The following GABRG3 variants were observed in gnomAD, a reference collection of about 807,000 sequenced individuals.
GABRG3 encodes gamma-aminobutyric acid receptor subunit gamma-3.
In GABRG3, 25 loss-of-function variants were observed where a neutral mutation model predicts 48.8. The ratio of observed to expected loss-of-function variants is 0.51; its 90% CI spans 0.37 to 0.72. GABRG3 has a LOEUF of 0.72. Among genes scored for constraint, GABRG3 ranks in the 30% least tolerant of loss-of-function variants. GABRG3 has a pLI of 0.00. For synonymous variants in GABRG3, 227 were observed against 217.6 expected (o/e 1.04, Z -0.38); for missense variants, 394 against 577.9 (o/e 0.68, Z 3.26).
chr15:27,156,573 T>G (rs1162507656), intron 3 of GABRG3, among the ~76,000 whole-genome samples: 4 of 152,162 alleles, frequency 2.6e-5, no homozygotes, highest in African/African-American at 9.7e-5. Context: ...TTATTATGAT[T>G]GTTTTACATG....
intron 3 of GABRG3, among the ~76,000 whole-genome samples, chr15:27,191,723 A>T (rs1488165189): frequency 6.6e-6 from 1 of 151,988 alleles, no homozygotes; most frequent in African/African-American, 2.4e-5. Flanking sequence ...TAGTCCATTT[A>T]CGTTTAAAGT....
At chr15:27,035,723 T>A (rs915758274) in intron 3 of GABRG3, among the ~76,000 whole-genome samples, 3 of 152,084 alleles carry the variant, frequency 2.0e-5, no homozygotes, top group African/African-American at 4.8e-5. Context: ...GACAGCAGGA[T>A]TGGGGAAGGA....
intron 3 of GABRG3, among the ~76,000 whole-genome samples, chr15:27,215,180 C>G (rs1889206278): frequency 6.6e-6 from 1 of 152,160 alleles, no homozygotes; most frequent in African/African-American, 2.4e-5. Flanking sequence ...TTAGATAACT[C>G]CTTGCAGGGG....
At chr15:27,171,523 T>TATACAC (rs751842058) in intron 3 of GABRG3, among the ~76,000 whole-genome samples, 3 of 147,040 alleles carry the variant, frequency 2.0e-5, no homozygotes, top group African/African-American at 7.6e-5. Flanking sequence ...TATATATATA[T>TATACAC]ACATATACAG....
At chr15:27,515,864 T>C (rs1891005779) in intron 6 of GABRG3, among the ~76,000 whole-genome samples, 1 of 152,188 alleles carries the variant, frequency 6.6e-6, no homozygotes, top group Non-Finnish European at 1.5e-5. Context: ...GGATGATAAA[T>C]TCAGGTGGGA....
chr15:27,465,297 G>A (rs910997572), intron 5 of GABRG3, among the ~76,000 whole-genome samples: 1 of 152,184 alleles, frequency 6.6e-6, no homozygotes, highest in Non-Finnish European at 1.5e-5. Flanking sequence ...GCGTTTTCAC[G>A]TTTTTAAAGC....
At chr15:27,431,119 C>G (rs1257406365) in intron 5 of GABRG3, among the ~76,000 whole-genome samples, 2 of 151,934 alleles carry the variant, frequency 1.3e-5, no homozygotes, top group East Asian at 3.9e-4. Context: ...CAGTAGCACA[C>G]TATATTTATT....
intron 3 of GABRG3, among the ~76,000 whole-genome samples, chr15:27,133,739 G>A (rs1169923810): frequency 6.6e-6 from 1 of 152,176 alleles, no homozygotes; most frequent in Non-Finnish European, 1.5e-5. Flanking sequence ...TTTGTCATGT[G>A]CAAAGATGAA....
At chr15:27,167,697 G>T (rs1488264356) in intron 3 of GABRG3, among the ~76,000 whole-genome samples, 1 of 152,164 alleles carries the variant, frequency 6.6e-6, no homozygotes, top group African/African-American at 2.4e-5. Flanking sequence ...CTCCAGCTAG[G>T]CCTCCCAGCT....
At chr15:27,159,133 C>T (rs1898508826) in intron 3 of GABRG3, among the ~76,000 whole-genome samples, 2 of 152,232 alleles carry the variant, frequency 1.3e-5, no homozygotes, top group Non-Finnish European at 1.5e-5. Context: ...TTATATTTAT[C>T]TAAGCAATTT....
At chr15:27,516,317 G>A (rs74999211) in intron 6 of GABRG3, among the ~76,000 whole-genome samples, 3,181 of 152,250 alleles carry the variant, frequency 0.021, 71 homozygotes, top group East Asian at 0.099. Context: ...TGAGAAACAT[G>A]GAAATATACT....
At chr15:27,305,687 A>G (rs1458135814) in intron 3 of GABRG3, among the ~76,000 whole-genome samples, 1 of 92,246 alleles carries the variant, frequency 1.1e-5, no homozygotes, top group Non-Finnish European at 2.1e-5. Flanking sequence ...GTTTATATAT[A>G]AACATATATA....
rs118154110 is a variant in GABRG3, at chr15:27,007,549, C to T, written c.203-19205C>T. Among the ~76,000 whole-genome samples, 256 of 152,288 alleles carry T rather than the reference C, an allele frequency of 1.7e-3. 1 individual carries two copies. Among genetic ancestry groups the T allele is most frequent in the Non-Finnish European group, 2.6e-3 (176 of 68,020 alleles). ...TTCCCATCAGCAGTGGATAAGCGTT[C>T]CTTTTTCTCTACAACCTCACCAGCA... On this transcript the variant is annotated intron_variant, in intron 2 of 9. Coordinates refer to ENST00000615808, the MANE Select transcript of GABRG3 (RefSeq NM_033223.5).
At position 27,005,260 on chromosome 15, in the gene GABRG3, G is replaced by C. The variant is rs568045915; in HGVS notation, c.203-21494G>C. Among the ~76,000 whole-genome samples, 3 of 151,868 alleles carry C rather than the reference G, an allele frequency of 2.0e-5. No homozygotes were observed. In the South Asian group the frequency reaches 6.2e-4, roughly 32 times the overall value. On this transcript the variant is annotated intron_variant, in intron 2 of 9. Coordinates refer to ENST00000615808, the MANE Select transcript of GABRG3 (RefSeq NM_033223.5). The stretch of plus-strand genomic sequence containing the variant: ...TCTGTCGCCAGGCTGGAGTGCGGTG[G>C]TGCAATCTCGGCTCACTGCAACCTC...
intron 5 of GABRG3, chr15:27,418,881 C>CA (rs1042447626): frequency 6.6e-6 from 1 of 152,160 alleles, no homozygotes; most frequent in African/African-American, 2.4e-5. Flanking sequence ...CCAGAGTCTG[C>CA]AGGCATGAGT....
chr15:27,378,423 A>C (rs371873734), intron 5 of GABRG3, among the ~76,000 whole-genome samples: 2 of 152,138 alleles, frequency 1.3e-5, no homozygotes, highest in East Asian at 3.9e-4. Context: ...AGGACTTTTG[A>C]TATCTATTAG....
intron 3 of GABRG3, among the ~76,000 whole-genome samples, chr15:27,308,272 A>C (rs139916945): frequency 0.014 from 1,635 of 113,190 alleles, 65 homozygotes; most frequent in Non-Finnish European, 0.022. Context: ...ATATAAACAT[A>C]ATATAAACAT....
chr15:27,185,019 AT>A (rs756198396), intron 3 of GABRG3, among the ~76,000 whole-genome samples: 55 of 150,982 alleles, frequency 3.6e-4, no homozygotes, highest in Non-Finnish European at 6.8e-4. Context: ...ATTGTTTTCT[AT>A]TTTCAGTTTC....
intron 3 of GABRG3, among the ~76,000 whole-genome samples, chr15:27,212,691 C>T (rs1279862170): frequency 6.6e-6 from 1 of 152,176 alleles, no homozygotes; most frequent in East Asian, 1.9e-4. Flanking sequence ...TTCATCTTCC[C>T]ACACTGAAAC....
Sources: gnomAD v4.1 joint callset for allele counts (sites outside exome capture counted in the v4.1 genomes callset) on GRCh38, gnomAD v4.1.1 for gene constraint, MANE v1.5 for transcripts, NCBI Gene and HGNC (gene_info 2026-07-23, HGNC 2026-07-21) for gene names.